The following ATXN10 variants were observed in gnomAD, a reference collection of about 807,000 sequenced individuals.
ATXN10 encodes the protein ataxin-10.
A neutral mutation model predicts 52.9 loss-of-function variants in ATXN10; 28 were observed. That is an observed-to-expected ratio of 0.53 (90% confidence interval 0.39 to 0.73). The LOEUF is 0.73. ATXN10 is among the 30% of genes least tolerant of loss of function. The probability of loss-of-function intolerance (pLI) is 0.00; values close to 1 mark genes in which losing one functional copy is unlikely to be tolerated. For missense variants in ATXN10, 565 were observed against 577.0 expected (o/e 0.98, Z 0.21); for synonymous variants, 226 against 221.5 (o/e 1.02, Z -0.18).
chr22:45,813,087 C>T (rs1298178437), intron 10 of ATXN10, among the ~76,000 whole-genome samples: 1 of 152,186 alleles, frequency 6.6e-6, no homozygotes, highest in Non-Finnish European at 1.5e-5. Context: ...GACACGAGCC[C>T]AACTAGTGCC....
chr22:45,824,596 A>G lies in ATXN10; in HGVS notation c.1237+17574A>G, dbSNP rs559899776. 6.6e-6 allele frequency among the ~76,000 whole-genome samples: 1 copy of G among 152,210 alleles called. No homozygotes were observed. Among genetic ancestry groups the G allele is most frequent in the Non-Finnish European group, 1.5e-5 (1 of 68,036 alleles). On this transcript the variant is annotated intron_variant, in intron 10 of 11. Transcript: ENST00000252934. This position sits in a 1 kb window ranked among gnomAD's most constrained non-coding sequence, Gnocchi z 5.2. ...TAAGAATCGTGTCATATTTAATGAA[A>G]TCTTCAAGTGGCATCAGATGCTAGT... is the stretch of plus-strand genomic sequence containing the variant.
rs138280775 is a variant in ATXN10, at chr22:45,766,016, G to A, written c.1173+25478G>A. Among the ~76,000 whole-genome samples the A allele has an allele frequency of 1.3e-4, 20 of 152,336 alleles. No homozygotes were observed. The East Asian group carries it at 1.5e-3, about 12-fold the overall frequency. ...GTTCAAAACAACCTGGCATTGGCAC[G>A]TGAAGGGGCTGACAGGCTAATGGGG... On this transcript the variant is annotated intron_variant, in intron 9 of 11. Coordinates refer to ENST00000252934, the MANE Select transcript of ATXN10 (RefSeq NM_013236.4). This position sits in a 1 kb window ranked among gnomAD's most constrained non-coding sequence, Gnocchi z 4.6.
In ATXN10 at chr22:45,837,889, A is replaced by T. The variant is rs188373690; in HGVS notation, c.1238-5102A>T. Among the ~76,000 whole-genome samples, 25 of 152,370 alleles carry T rather than the reference A, an allele frequency of 1.6e-4. No homozygotes were observed. In the East Asian group the frequency reaches 3.9e-3, roughly 23 times the overall value. On this transcript the variant is annotated intron_variant, in intron 10 of 11. Coordinates refer to ENST00000252934, the MANE Select transcript of ATXN10 (RefSeq NM_013236.4). This position sits in a 1 kb window ranked among gnomAD's most constrained non-coding sequence, Gnocchi z 5.8. ...ACTGTTTTTAGTTTGCTGTCATAAAAAGCACAGGCCATCATTTGCTGACCC... is the reference window on the plus strand; with the variant it reads ...ACTGTTTTTAGTTTGCTGTCATAAATAGCACAGGCCATCATTTGCTGACCC...
In ATXN10 at chr22:45,766,170, G is replaced by A. The variant is rs1026046237; in HGVS notation, c.1173+25632G>A. The stretch of plus-strand genomic sequence containing the variant: ...AAAAAGTATGGGGACAAGGATATCC[G>A]CTACCTTTAGATCAGGGGTTCCCCA... On this transcript the variant is annotated intron_variant, in intron 9 of 11. Coordinates refer to ENST00000252934, the MANE Select transcript of ATXN10 (RefSeq NM_013236.4). The surrounding 1 kb of genome is among the most constrained non-coding windows in gnomAD (Gnocchi z 4.6). Among the ~76,000 whole-genome samples the A allele has an allele frequency of 2.0e-5, 3 of 152,294 alleles. No homozygotes were observed. Among genetic ancestry groups the A allele is most frequent in the Middle Eastern group, 3.4e-3 (1 of 294 alleles).
intron 5 of ATXN10, among the ~76,000 whole-genome samples, chr22:45,709,853 C>T (rs1407957448): frequency 1.3e-5 from 2 of 152,212 alleles, no homozygotes; most frequent in East Asian, 3.8e-4. Context: ...GTTTATCCTT[C>T]AGTAACTGGT....
intron 1 of ATXN10, among the ~76,000 whole-genome samples, chr22:45,686,864 A>C (rs1183400503): frequency 2.0e-5 from 3 of 150,414 alleles, no homozygotes; most frequent in African/African-American, 2.4e-5. Context: ...CAGGCAGAGG[A>C]TTGGGAGATT....
In ATXN10 at chr22:45,843,961, C is replaced by G; in HGVS notation, c.*290C>G. 2.2e-6 allele frequency: 1 copy of G among 446,894 alleles called. No individual in the cohort carries two copies. The highest frequency in any genetic ancestry group is 4.0e-6 in the Non-Finnish European group (1 of 248,676). The allele number at this position is 446,894 out of a possible 1,614,324, so 27.7% of individuals were successfully genotyped here. On this transcript the variant is annotated 3_prime_UTR_variant, in exon 12 of 12. Transcript: ENST00000252934. This position sits in a 1 kb window ranked among gnomAD's most constrained non-coding sequence, Gnocchi z 4.5. Reference sequence around the variant, plus strand: ...GTGACAGCAGATAATAAACCAGTCTCTTGGAGGGCACAACCCTTATTTGAC... The same window carrying G: ...GTGACAGCAGATAATAAACCAGTCTGTTGGAGGGCACAACCCTTATTTGAC...
At chr22:45,689,101 A>G (rs1001669038) in intron 1 of ATXN10, among the ~76,000 whole-genome samples, 1 of 152,098 alleles carries the variant, frequency 6.6e-6, no homozygotes, top group Admixed American at 6.5e-5. Context: ...TCTCCCATCT[A>G]TGTAGTTGAC....
chr22:45,687,890 C>G (rs1399623454), intron 1 of ATXN10, among the ~76,000 whole-genome samples: 1 of 152,116 alleles, frequency 6.6e-6, no homozygotes, highest in Non-Finnish European at 1.5e-5. Context: ...AACCCTGTCT[C>G]TACTAAAAAT....
chr22:45,734,766 G>A (rs1484374663), intron 7 of ATXN10, among the ~76,000 whole-genome samples: 1 of 151,424 alleles, frequency 6.6e-6, no homozygotes, highest in Non-Finnish European at 1.5e-5. Flanking sequence ...ATCTTTTGGT[G>A]TGAGACTGAC....
intron 10 of ATXN10, among the ~76,000 whole-genome samples, chr22:45,813,441 T>G (rs1180454922): frequency 2.4e-5 from 3 of 122,802 alleles, no homozygotes; most frequent in Non-Finnish European, 4.9e-5. Flanking sequence ...TCTTTTTTCT[T>G]CCTTTCTTCA....
chr22:45,803,540 A>G (rs1201651570), intron 9 of ATXN10, among the ~76,000 whole-genome samples: 1 of 152,178 alleles, frequency 6.6e-6, no homozygotes, highest in Non-Finnish European at 1.5e-5. Context: ...ATGTTCCAGA[A>G]GGGTTTGGAT....
intron 4 of ATXN10, 74 bp from the exon 5 acceptor site, chr22:45,702,615 A>T: frequency 1.4e-6 from 2 of 1,407,296 alleles, no homozygotes; most frequent in Non-Finnish European, 1.0e-6. Flanking sequence ...GAATTTGACA[A>T]TGGTATTACT....
rs76531556 is a variant in ATXN10, at chr22:45,688,904, A to G, written c.117-808A>G. On this transcript the variant is annotated intron_variant, in intron 1 of 11. Transcript: ENST00000252934. This position sits in a 1 kb window ranked among gnomAD's most constrained non-coding sequence, Gnocchi z 4.0. ...AGGAAGTTGGCTTGCATTTAGGTGCAATGTTGCACAAAAAATTCTTATCTT... is the reference window on the plus strand; with the variant it reads ...AGGAAGTTGGCTTGCATTTAGGTGCGATGTTGCACAAAAAATTCTTATCTT... Among the ~76,000 whole-genome samples, 2 of 152,228 alleles carry G rather than the reference A, an allele frequency of 1.3e-5. No individual in the cohort carries two copies. The highest frequency in any genetic ancestry group is 4.8e-5 in the African/African-American group (2 of 41,464).
chr22:45,751,582 T>TA (rs946254399), intron 9 of ATXN10, among the ~76,000 whole-genome samples: 17 of 152,020 alleles, frequency 1.1e-4, no homozygotes, highest in African/African-American at 4.1e-4. Context: ...CATCAGCTCT[T>TA]ACTGAGTGCT....
chr22:45,734,285 AT>A (rs1925202215), intron 7 of ATXN10: 1 of 166,276 alleles, frequency 6.0e-6, no homozygotes, highest in Non-Finnish European at 1.3e-5. Flanking sequence ...ATCTGATTTA[AT>A]TACTATTTCT....
intron 9 of ATXN10, among the ~76,000 whole-genome samples, chr22:45,764,361 G>T (rs1477022791): frequency 6.6e-6 from 1 of 151,954 alleles, no homozygotes; most frequent in Non-Finnish European, 1.5e-5. Flanking sequence ...CCGTGGAAGG[G>T]TTTCCCTTAG....
In ATXN10 at chr22:45,807,116, G is replaced by A. The variant is rs751946627; in HGVS notation, c.1237+94G>A. 4.0e-6 allele frequency: 4 copies of A among 997,738 alleles called. No individual in the cohort carries two copies. In the East Asian group the frequency reaches 9.5e-5, roughly 24 times the overall value. 61.8% of individuals were successfully genotyped at this position (997,738 alleles called of 1,614,324 possible). A position where few individuals can be genotyped will look rare whatever the true frequency, so the allele number is the denominator to read the frequency against. On this transcript the variant is annotated intron_variant, in intron 10 of 11. Transcript: ENST00000252934. ...CTCATGTTCATTCAGTATGTAGCTG[G>A]CTGCCTTGCTTGCTTGTTTACTTGT...
Position 45,718,537 on chromosome 22 carries a change from A to G in ATXN10, c.728+44A>G, listed in dbSNP as rs762011446. Reference sequence around the variant, plus strand: ...TGGTCTGGAGTATTTAGCATTCCATATAGGGTATTCGATGCACGTGACTGA... The same window carrying G: ...TGGTCTGGAGTATTTAGCATTCCATGTAGGGTATTCGATGCACGTGACTGA... On this transcript the variant is annotated intron_variant, in intron 6 of 11. Coordinates refer to ENST00000252934, the MANE Select transcript of ATXN10 (RefSeq NM_013236.4). The surrounding 1 kb of genome is among the most constrained non-coding windows in gnomAD (Gnocchi z 4.4). The G allele has an allele frequency of 1.3e-6, 2 of 1,511,486 alleles. No individual in the cohort carries two copies. Among genetic ancestry groups the G allele is most frequent in the South Asian group, 1.1e-5 (1 of 89,040 alleles). 93.6% of individuals were successfully genotyped at this position (1,511,486 alleles called of 1,614,324 possible).
Sources: allele counts gnomAD v4.1 joint callset (sites outside exome capture counted in the v4.1 genomes callset), GRCh38; gene constraint gnomAD v4.1.1; non-coding constraint Gnocchi (gnomAD v3.1); transcripts MANE v1.5; gene names NCBI Gene and HGNC (gene_info 2026-07-23, HGNC 2026-07-21).